CAMTA1: variants seen among roughly 807,000 people sequenced by gnomAD.
The protein encoded by CAMTA1 is calmodulin-binding transcription activator 1.
A neutral mutation model predicts 170.9 loss-of-function variants in CAMTA1; 27 were observed. That is an observed-to-expected ratio of 0.16 (90% CI 0.12 to 0.22). The LOEUF (loss-of-function observed/expected upper bound fraction) is 0.22. CAMTA1 is among the 10% of genes least tolerant of loss of function. CAMTA1 has a pLI of 1.00. For missense variants in CAMTA1, 1,619 were observed against 2,217.2 expected, an observed-to-expected ratio of 0.73 and a Z score of 5.42; for synonymous variants, 833 against 891.5, an observed-to-expected ratio of 0.93 and a Z score of 1.17.
rs145835386 is a variant in CAMTA1, at chr1:7,147,190, G to A, written c.302+55819G>A. Among the ~76,000 whole-genome samples the A allele has an allele frequency of 4.4e-3, 672 of 152,098 alleles. 7 individuals are homozygous for A. Among genetic ancestry groups the A allele is most frequent in the African/African-American group, 0.015 (638 of 41,498 alleles). On this transcript the variant is annotated intron_variant, in intron 4 of 22. Transcript: ENST00000303635. ...AATTCCAGCACTTTGGGAGGCCGAG[G>A]TGGGCAGATCACAAGGTCAAGAGAT...
At chr1:7,253,596 G>A (rs1330311845) in intron 5 of CAMTA1, among the ~76,000 whole-genome samples, 1 of 152,130 alleles carries the variant, frequency 6.6e-6, no homozygotes. Flanking sequence ...TCATCTCATT[G>A]AATCCTCATA....
chr1:6,794,620 T>C (rs1230848756), intron 1 of CAMTA1, among the ~76,000 whole-genome samples: 1 of 152,234 alleles, frequency 6.6e-6, no homozygotes, highest in Non-Finnish European at 1.5e-5. Flanking sequence ...GTCACTGTTA[T>C]TTTCTAAGAA....
At chr1:7,492,798 C>T (rs1318557131) in intron 6 of CAMTA1, among the ~76,000 whole-genome samples, 4 of 128,816 alleles carry the variant, frequency 3.1e-5, no homozygotes, top group African/African-American at 1.3e-4. Flanking sequence ...CACAAACCTA[C>T]GTATACACAT....
At chr1:7,059,505 A>C (rs892477855) in intron 3 of CAMTA1, among the ~76,000 whole-genome samples, 1 of 152,144 alleles carries the variant, frequency 6.6e-6, no homozygotes, top group Non-Finnish European at 1.5e-5. Flanking sequence ...CTGTAGTCCC[A>C]GCTACTTGGG....
At chr1:7,418,422 C>T (rs543072379) in intron 5 of CAMTA1, among the ~76,000 whole-genome samples, 1 of 152,288 alleles carries the variant, frequency 6.6e-6, no homozygotes, top group African/African-American at 2.4e-5. Context: ...TTGTCTTGAA[C>T]TCTTGACCTC....
rs1345058509 is a variant in CAMTA1 at position 7,664,393 on chromosome 1, T to C, written c.1846T>C (p.Phe616Leu). 1 of 1,613,486 alleles carries C rather than the reference T, an allele frequency of 6.2e-7. No individual in the cohort carries two copies. Among genetic ancestry groups the C allele is most frequent in the South Asian group, 1.1e-5 (1 of 91,074 alleles). Residue 616 changes from phenylalanine (F) to leucine (L), a missense_variant, in exon 9 of 23, where the codon TTC becomes CTC. By Grantham distance (22) the Phe-to-Leu change is conservative. Transcript: ENST00000303635. The part of the protein sequence containing the change: ...PHIHQTPSPS[F>L]FLQDASKPLP... Reference sequence around the variant, plus strand: ...CATCCACCAGACCCCCTCCCCGAGCTTCTTCCTGCAGGACGCCAGCAAACC... The same window carrying C: ...CATCCACCAGACCCCCTCCCCGAGCCTCTTCCTGCAGGACGCCAGCAAACC...
Position 7,746,048 on chromosome 1 carries a change from A to T in CAMTA1, c.4574A>T (p.Tyr1525Phe). The T allele has an allele frequency of 6.2e-7, 1 of 1,614,232 alleles. No homozygotes were observed. Among genetic ancestry groups the T allele is most frequent in the Non-Finnish European group, 8.5e-7 (1 of 1,180,028 alleles). The part of the protein sequence containing the change: ...TLSDHEQREL[Y>F]EAARLVQTAF... ...TCTGATCATGAACAGAGAGAACTCT[A>T]TGAGGCTGCCAGGCTTGTCCAGACA... The change falls in exon 18 of 23, where the codon TAT becomes TTT. Residue 1525 changes from tyrosine to phenylalanine, a missense_variant. Physicochemically the swap from Tyr to Phe is conservative, Grantham distance 22. This residue lies in a region of CAMTA1 where 128 missense variants were observed against 213.5 expected (regional missense o/e 0.60). Coordinates refer to ENST00000303635, the MANE Select transcript of CAMTA1 (RefSeq NM_015215.4).
chr1:6,801,904 T>G (rs1278685463), intron 1 of CAMTA1, among the ~76,000 whole-genome samples: 1 of 152,030 alleles, frequency 6.6e-6, no homozygotes, highest in African/African-American at 2.4e-5. Context: ...TTGCAATATT[T>G]ATATTTGTAA....
chr1:7,724,492 C>A (rs200377223), intron 11 of CAMTA1, among the ~76,000 whole-genome samples: 7 of 152,136 alleles, frequency 4.6e-5, no homozygotes, highest in Non-Finnish European at 5.9e-5. Flanking sequence ...GGGCAGAAGG[C>A]CCCAGTCTAC....
intron 11 of CAMTA1, among the ~76,000 whole-genome samples, chr1:7,711,908 G>A (rs1264380102): frequency 6.6e-6 from 1 of 152,160 alleles, no homozygotes; most frequent in Non-Finnish European, 1.5e-5. Flanking sequence ...TGGCAGGTAG[G>A]TTCCCAGGCT....
chr1:7,737,945 A>G lies in CAMTA1; in HGVS notation c.3659-14A>G, dbSNP rs1185308931. On this transcript the variant is annotated splice_polypyrimidine_tract_variant and intron_variant, in intron 15 of 22. Transcript: ENST00000303635. ...ATCTCCTGTCCTGACTATCCTTTCT[A>G]CTGTACTTTTCAGAGCTGAGAAGAC... 1.3e-6 allele frequency: 2 copies of G among 1,586,568 alleles called. No homozygotes were observed. The highest frequency in any genetic ancestry group is 1.3e-5 in the African/African-American group (1 of 74,184).
At chr1:6,807,441 GTTGA>G (rs1205328779) in intron 1 of CAMTA1, among the ~76,000 whole-genome samples, 1 of 152,050 alleles carries the variant, frequency 6.6e-6, no homozygotes, top group Non-Finnish European at 1.5e-5. Flanking sequence ...TAGGCTTTTG[GTTGA>G]TTGTTTTCAT....
rs979462751 is a variant in CAMTA1, at chr1:7,732,967, G to T, written c.3066+368G>T. ...CCAGCGCTGTAGGAGGCCAAGACGGGAGGATTGCTTGAGCCCAGGAGTTCA... is the reference window on the plus strand; with the variant it reads ...CCAGCGCTGTAGGAGGCCAAGACGGTAGGATTGCTTGAGCCCAGGAGTTCA... On this transcript the variant is annotated intron_variant, in intron 12 of 22. Coordinates refer to ENST00000303635, the MANE Select transcript of CAMTA1 (RefSeq NM_015215.4). This position sits in a 1 kb window ranked among gnomAD's most constrained non-coding sequence, Gnocchi z 4.1. Among the ~76,000 whole-genome samples, 1 of 152,166 alleles carries T rather than the reference G, an allele frequency of 6.6e-6. No homozygotes were observed. The highest frequency in any genetic ancestry group is 1.5e-5 in the Non-Finnish European group (1 of 68,032).
intron 5 of CAMTA1, among the ~76,000 whole-genome samples, chr1:7,308,801 T>C (rs1675994145): frequency 6.6e-6 from 1 of 152,218 alleles, no homozygotes; most frequent in Non-Finnish European, 1.5e-5. Context: ...ATTCTGCTGA[T>C]GTTGGGTAGC....
At chr1:6,988,862 G>A (rs545415513) in intron 3 of CAMTA1, among the ~76,000 whole-genome samples, 2 of 152,332 alleles carry the variant, frequency 1.3e-5, no homozygotes, top group East Asian at 3.9e-4. Context: ...GAACAGTCTG[G>A]CTGGCTGCCC....
chr1:7,621,797 C>T (rs929779943), intron 6 of CAMTA1, among the ~76,000 whole-genome samples: 9 of 152,124 alleles, frequency 5.9e-5, no homozygotes, highest in African/African-American at 2.2e-4. Flanking sequence ...ACAGCCTGGC[C>T]CTGGGACCAT....
intron 3 of CAMTA1, among the ~76,000 whole-genome samples, chr1:6,907,644 T>G (rs888651814): frequency 6.6e-6 from 1 of 152,156 alleles, no homozygotes; most frequent in Non-Finnish European, 1.5e-5. Flanking sequence ...CCAGTAAGAC[T>G]GAAGGTTCTG....
At position 7,623,266 on chromosome 1, in the gene CAMTA1, TTGAA is replaced by T. The variant is rs111828628; in HGVS notation, c.511-17110_511-17107del. Among the ~76,000 whole-genome samples the T allele has an allele frequency of 9.5e-3, 1,438 of 152,142 alleles. 24 individuals carry two copies. The highest frequency in any genetic ancestry group is 0.031 in the African/African-American group (1,275 of 41,484). ...CTTGTGGTTCTTGAGAGCTAATCTGTTGAATGAATGAATGAATGAATGAATGAGG... is the reference window on the plus strand; with the variant it reads ...CTTGTGGTTCTTGAGAGCTAATCTGTTGAATGAATGAATGAATGAATGAGG... On this transcript the variant is annotated intron_variant, in intron 6 of 22. Transcript: ENST00000303635.
At chr1:7,398,845 TAAC>T (rs1429909438) in intron 5 of CAMTA1, among the ~76,000 whole-genome samples, 1 of 152,160 alleles carries the variant, frequency 6.6e-6, no homozygotes, top group African/African-American at 2.4e-5. Context: ...GGGTTTACAT[TAAC>T]AATCTTAGAG....
Sources: allele counts gnomAD v4.1 joint callset (sites outside exome capture counted in the v4.1 genomes callset), GRCh38; gene constraint gnomAD v4.1.1; regional missense constraint gnomAD v4.1.1; non-coding constraint Gnocchi (gnomAD v3.1); transcripts MANE v1.5; gene names NCBI Gene and HGNC (gene_info 2026-07-23, HGNC 2026-07-21).